TGFBR2: variants seen among roughly 807,000 people sequenced by gnomAD.
TGFBR2 encodes transforming growth factor beta receptor 2, also known as TGF-beta receptor type-2.
Under a neutral mutation model 49.0 loss-of-function variants are expected in TGFBR2, and 18 were observed. The observed-to-expected ratio is 0.37, with a 90% CI of 0.25 to 0.54. The LOEUF (loss-of-function observed/expected upper bound fraction) is 0.54. Ranked by LOEUF, TGFBR2 falls within the 20% of genes least tolerant of loss-of-function variation. The pLI, the probability that TGFBR2 is intolerant of heterozygous loss-of-function variation, is 0.85. For synonymous variants in TGFBR2, 282 were observed against 275.9 expected (o/e 1.02, Z -0.22); for missense variants, 525 against 722.6 (o/e 0.73, Z 3.13).
At chr3:30,613,131 CT>C (rs5847644) in intron 1 of TGFBR2, among the ~76,000 whole-genome samples, 61,868 of 129,206 alleles carry the variant, frequency 0.48, 13,643 homozygotes, top group East Asian at 0.81. Context: ...ACATGCAGCT[CT>C]TTTTTTTTTT....
At chr3:30,641,009 G>A (rs2125401413) in intron 1 of TGFBR2, among the ~76,000 whole-genome samples, 1 of 152,272 alleles carries the variant, frequency 6.6e-6, no homozygotes, top group East Asian at 1.9e-4. Flanking sequence ...CCTGTGGTTT[G>A]GAGTGCACAG....
chr3:30,617,475 T>G (rs904048685), intron 1 of TGFBR2, among the ~76,000 whole-genome samples: 2 of 152,200 alleles, frequency 1.3e-5, no homozygotes, highest in Admixed American at 6.5e-5. Context: ...TTGGAATCCC[T>G]TAAGTTATAT....
chr3:30,616,340 A>G (rs145737897), intron 1 of TGFBR2, among the ~76,000 whole-genome samples: 1 of 152,138 alleles, frequency 6.6e-6, no homozygotes. Flanking sequence ...TCATTTTCCT[A>G]CTTTAGAGCC....
intron 5 of TGFBR2, among the ~76,000 whole-genome samples, chr3:30,686,695 G>A (rs1231943350): frequency 6.6e-6 from 1 of 152,198 alleles, no homozygotes; most frequent in African/African-American, 2.4e-5. Context: ...TGAAGCTAAA[G>A]GCCAAAGATC....
chr3:30,687,093 A>G (rs1699635007), intron 5 of TGFBR2, among the ~76,000 whole-genome samples: 1 of 152,208 alleles, frequency 6.6e-6, no homozygotes, highest in Admixed American at 6.5e-5. Flanking sequence ...AATATGGTAT[A>G]TGCACGAATA....
intron 3 of TGFBR2, among the ~76,000 whole-genome samples, chr3:30,668,444 T>C (rs1699280067): frequency 2.0e-5 from 3 of 152,158 alleles, no homozygotes; most frequent in Non-Finnish European, 2.9e-5. Flanking sequence ...GCAGGGAGCA[T>C]TGTGGAAGTG....
At chr3:30,646,916 A>C (rs1306425874) in intron 2 of TGFBR2, among the ~76,000 whole-genome samples, 1 of 152,230 alleles carries the variant, frequency 6.6e-6, no homozygotes, top group Admixed American at 6.5e-5. Context: ...AAATGTGAGC[A>C]TGTCGAAGAG....
chr3:30,615,447 G>T (rs1698114200), intron 1 of TGFBR2, among the ~76,000 whole-genome samples: 1 of 152,132 alleles, frequency 6.6e-6, no homozygotes, highest in Non-Finnish European at 1.5e-5. Context: ...AAATTTATAT[G>T]ACATTACCTG....
At chr3:30,642,032 G>T (rs1698656999) in intron 1 of TGFBR2, among the ~76,000 whole-genome samples, 1 of 151,686 alleles carries the variant, frequency 6.6e-6, no homozygotes, top group South Asian at 2.1e-4. Flanking sequence ...ACTTGCATTT[G>T]TCAATACATC....
At chr3:30,684,042 A>C (rs531785579) in intron 5 of TGFBR2, among the ~76,000 whole-genome samples, 1 of 152,326 alleles carries the variant, frequency 6.6e-6, no homozygotes, top group East Asian at 1.9e-4. Context: ...ACTGAGGAGC[A>C]ATTAAGAAAT....
intron 5 of TGFBR2, among the ~76,000 whole-genome samples, chr3:30,685,554 G>A (rs1699606316): frequency 6.6e-6 from 1 of 152,222 alleles, no homozygotes; most frequent in South Asian, 2.1e-4. Flanking sequence ...TTCAAGAGAG[G>A]TCTAACCTCA....
intron 2 of TGFBR2, 67 bp downstream of exon 2, chr3:30,644,982 A>G: frequency 1.4e-6 from 2 of 1,417,582 alleles, no homozygotes. Context: ...CTCATAGTAC[A>G]CACAGTCAGT....
chr3:30,620,367 G>A (rs1698207472), intron 1 of TGFBR2, among the ~76,000 whole-genome samples: 1 of 152,112 alleles, frequency 6.6e-6, no homozygotes, highest in African/African-American at 2.4e-5. Flanking sequence ...TTAGATCCAA[G>A]GCGGGGAGTG....
chr3:30,660,521 C>T (rs995380149), intron 3 of TGFBR2, among the ~76,000 whole-genome samples: 3 of 152,072 alleles, frequency 2.0e-5, no homozygotes, highest in Non-Finnish European at 4.4e-5. Context: ...TTATATTTTT[C>T]GTCACGTTCC....
intron 2 of TGFBR2, among the ~76,000 whole-genome samples, chr3:30,649,003 C>T (rs1201826783): frequency 6.6e-6 from 1 of 152,130 alleles, no homozygotes; most frequent in Non-Finnish European, 1.5e-5. Context: ...GCCTGCCTTC[C>T]GTTTTCCTTG....
In TGFBR2 at chr3:30,672,775, TGTACTCA is replaced by T. The variant is rs1699366332; in HGVS notation, c.1254+341_1254+347del. On this transcript the variant is annotated intron_variant, in intron 4 of 6. Coordinates refer to ENST00000295754, the MANE Select transcript of TGFBR2 (RefSeq NM_003242.6). The surrounding 1 kb of genome is among the most constrained non-coding windows in gnomAD (Gnocchi z 4.5). ...CTCTATTTTTTCCCTCTCTTATGGTTGTACTCAGTCCTTTCTGCTCTATACTAGCTGT... is the reference window on the plus strand; with the variant it reads ...CTCTATTTTTTCCCTCTCTTATGGTTGTCCTTTCTGCTCTATACTAGCTGT... 6.6e-6 allele frequency among the ~76,000 whole-genome samples: 1 copy of T among 152,224 alleles called. No homozygotes were observed. Among genetic ancestry groups the T allele is most frequent in the East Asian group, 1.9e-4 (1 of 5,194 alleles).
At chr3:30,679,374 A>T (rs1394473065) in intron 5 of TGFBR2, among the ~76,000 whole-genome samples, 2 of 152,168 alleles carry the variant, frequency 1.3e-5, no homozygotes, top group African/African-American at 2.4e-5. Context: ...CACAGGGAAA[A>T]CAGAGAAAGA....
In TGFBR2 at chr3:30,672,840, G is replaced by T. The variant is rs1030890121; in HGVS notation, c.1254+403G>T. On this transcript the variant is annotated intron_variant, in intron 4 of 6. Transcript: ENST00000295754. The surrounding 1 kb of genome is among the most constrained non-coding windows in gnomAD (Gnocchi z 4.5). ...TTGGTTTCTTTGTATTAAAAGCATC[G>T]TGGAAGGCAATCTCCCTGAAGTCCA... Among the ~76,000 whole-genome samples, 1 of 152,076 alleles carries T rather than the reference G, an allele frequency of 6.6e-6. No individual in the cohort carries two copies. The highest frequency in any genetic ancestry group is 2.4e-5 in the African/African-American group (1 of 41,412).
At chr3:30,665,346 T>C (rs1699223368) in intron 3 of TGFBR2, among the ~76,000 whole-genome samples, 1 of 152,210 alleles carries the variant, frequency 6.6e-6, no homozygotes, top group African/African-American at 2.4e-5. Context: ...TAGACAAAAA[T>C]GTTGTAGAAG....
Sources: allele counts gnomAD v4.1 joint callset (sites outside exome capture counted in the v4.1 genomes callset), GRCh38; gene constraint gnomAD v4.1.1; non-coding constraint Gnocchi (gnomAD v3.1); transcripts MANE v1.5; gene names NCBI Gene and HGNC (gene_info 2026-07-23, HGNC 2026-07-21).